PDE1C: variants seen among roughly 807,000 people sequenced by gnomAD.
PDE1C encodes phosphodiesterase 1C, also known as dual specificity calcium/calmodulin-dependent 3',5'-cyclic nucleotide phosphodiesterase 1C.
A neutral mutation model predicts 93.1 loss-of-function variants in PDE1C; 62 were observed. The observed-to-expected ratio is 0.67, with a 90% CI of 0.54 to 0.82. The LOEUF is 0.82. Ranked by LOEUF, PDE1C falls within the 40% of genes least tolerant of loss-of-function variation. The pLI, the probability that PDE1C is intolerant of heterozygous loss-of-function variation, is 0.00. For synonymous variants in PDE1C, 325 were observed against 310.1 expected, an observed-to-expected ratio of 1.05 and a Z score of -0.50; for missense variants, 742 against 884.6, an observed-to-expected ratio of 0.84 and a Z score of 2.04.
At chr7:32,300,060 A>C (rs1184183412), upstream of PDE1C, among the ~76,000 whole-genome samples, 4 of 152,142 alleles carry the variant, frequency 2.6e-5, no homozygotes, top group Admixed American at 1.3e-4. Context: ...ATGGCTCCAC[A>C]TATCTTCAGA....
chr7:32,145,930 A>T (rs1800806484), intron 3 of PDE1C, among the ~76,000 whole-genome samples: 1 of 152,154 alleles, frequency 6.6e-6, no homozygotes, highest in South Asian at 2.1e-4. Flanking sequence ...TAAATCAGTG[A>T]AAACTGTACC....
the PDE1C span, among the ~76,000 whole-genome samples, chr7:31,646,690 G>C: frequency 6.6e-6 from 1 of 152,086 alleles, no homozygotes; most frequent in African/African-American, 2.4e-5. Flanking sequence ...TTGACACTTT[G>C]TCATATCAGC....
At chr7:31,758,055 C>A (rs984253359) in intron 17 of PDE1C, among the ~76,000 whole-genome samples, 1 of 152,142 alleles carries the variant, frequency 6.6e-6, no homozygotes, top group Non-Finnish European at 1.5e-5. Flanking sequence ...GGACAAAAAA[C>A]CAAACACTGC....
chr7:32,071,445 T>A (rs1796050661), upstream of PDE1C: 4 of 984,716 alleles, frequency 4.1e-6, no homozygotes, highest in South Asian at 1.9e-4. Context: ...CTAAAGGGGC[T>A]CTCTCGCTCG....
chr7:31,875,165 A>T (rs1207975474), intron 5 of PDE1C, among the ~76,000 whole-genome samples: 1 of 152,228 alleles, frequency 6.6e-6, no homozygotes, highest in East Asian at 1.9e-4. Flanking sequence ...TTTAGTCCTA[A>T]GGAAAAAGTC....
chr7:32,294,959 T>C (rs1562657629), intron 1 of PDE1C, among the ~76,000 whole-genome samples: 1 of 152,276 alleles, frequency 6.6e-6, no homozygotes, highest in Non-Finnish European at 1.5e-5. Flanking sequence ...GAATGTGACA[T>C]GTGTTCAATC....
At chr7:31,621,212 A>G in the PDE1C span, among the ~76,000 whole-genome samples, 2 of 152,110 alleles carry the variant, frequency 1.3e-5, no homozygotes, top group Non-Finnish European at 2.9e-5. Context: ...AACTTCCCCA[A>G]TCTAGCAAGG....
rs1170418336 is a variant in PDE1C, at chr7:31,782,549, AG to A, written c.1892-6818del. ...ATAATACCATGCGAAACGATACACCAGGAGGCCCTGATGAAGGGGTGGTATT... is the reference window on the plus strand; with the variant it reads ...ATAATACCATGCGAAACGATACACCAGAGGCCCTGATGAAGGGGTGGTATT... On this transcript the variant is annotated intron_variant, in intron 16 of 17. Coordinates refer to ENST00000396191, the MANE Select transcript of PDE1C (RefSeq NM_001191057.4). Among the ~76,000 whole-genome samples, 55 of 152,348 alleles carry A rather than the reference AG, an allele frequency of 3.6e-4. 1 individual carries two copies. Among genetic ancestry groups the A allele is most frequent in the African/African-American group, 1.3e-3 (55 of 41,588 alleles).
intron 1 of PDE1C, among the ~76,000 whole-genome samples, chr7:32,274,354 T>C (rs1811153098): frequency 6.7e-6 from 1 of 149,842 alleles, no homozygotes; most frequent in Admixed American, 6.7e-5. Context: ...ACCACAGGTG[T>C]GCACCAGCAT....
chr7:32,415,128 G>A (rs1364499436), intron 1 of PDE1C, among the ~76,000 whole-genome samples: 1 of 152,110 alleles, frequency 6.6e-6, no homozygotes, highest in African/African-American at 2.4e-5. Flanking sequence ...ATCAGCCTGG[G>A]CAACCTAGCA....
chr7:31,790,677 T>C (rs184759112), intron 16 of PDE1C, among the ~76,000 whole-genome samples: 1 of 152,084 alleles, frequency 6.6e-6, no homozygotes, highest in Non-Finnish European at 1.5e-5. Flanking sequence ...CTCCTCCCTC[T>C]CAGAATTCTT....
chr7:32,116,524 C>T (rs1447063248), intron 3 of PDE1C, among the ~76,000 whole-genome samples: 1 of 152,074 alleles, frequency 6.6e-6, no homozygotes, highest in African/African-American at 2.4e-5. Flanking sequence ...TGGCAGGGGG[C>T]CTGCTCATAA....
At chr7:31,666,790 C>T in the PDE1C span, among the ~76,000 whole-genome samples, 3 of 151,458 alleles carry the variant, frequency 2.0e-5, no homozygotes, top group African/African-American at 4.9e-5. Context: ...AAATCCAGCC[C>T]CCCATTTTTT....
intron 1 of PDE1C, among the ~76,000 whole-genome samples, chr7:32,252,522 G>T (rs1223312741): frequency 6.6e-6 from 1 of 152,196 alleles, no homozygotes; most frequent in African/African-American, 2.4e-5. Context: ...TGACAAGCAA[G>T]AATTAAATCC....
chr7:32,180,802 A>C (rs1803346245), intron 2 of PDE1C, among the ~76,000 whole-genome samples: 1 of 152,236 alleles, frequency 6.6e-6, no homozygotes, highest in Admixed American at 6.5e-5. Flanking sequence ...TGGAATTGTA[A>C]TATAACTGGC....
At chr7:31,988,860 T>C (rs902256039) in intron 2 of PDE1C, among the ~76,000 whole-genome samples, 6 of 151,908 alleles carry the variant, frequency 3.9e-5, no homozygotes, top group African/African-American at 1.5e-4. Flanking sequence ...CTGGGCGTAG[T>C]GGCACATGCC....
intron 1 of PDE1C, among the ~76,000 whole-genome samples, chr7:32,322,007 G>A (rs560491380): frequency 3.2e-4 from 48 of 152,312 alleles, no homozygotes; most frequent in African/African-American, 1.1e-3. Flanking sequence ...AAGACAAAAC[G>A]AGTAGTAATA....
chr7:31,720,436 C>CAA, the PDE1C span, among the ~76,000 whole-genome samples: 50 of 152,274 alleles, frequency 3.3e-4, 1 homozygote, highest in African/African-American at 1.2e-3. Context: ...CACTCAGCCC[C>CAA]AAGCCTCCTG....
rs185033906 is a variant in PDE1C, at chr7:32,367,758, T to C, written c.310+60064A>G. 3.1e-4 allele frequency among the ~76,000 whole-genome samples: 47 copies of C among 151,994 alleles called. No homozygotes were observed. The East Asian group carries it at 7.7e-3, about 25-fold the overall frequency. On this transcript the variant is annotated intron_variant, in intron 1 of 1. Coordinates refer to the PDE1C transcript ENST00000672256. ...AGGAGTTTGAGATCAGCCTGGGCAATATAGTGAGTCCCCTTCTCTACAAAA... is the reference window on the plus strand; with the variant it reads ...AGGAGTTTGAGATCAGCCTGGGCAACATAGTGAGTCCCCTTCTCTACAAAA...
Sources: gnomAD v4.1 joint callset for allele counts (sites outside exome capture counted in the v4.1 genomes callset) on GRCh38, gnomAD v4.1.1 for gene constraint, MANE v1.5 for transcripts, NCBI Gene and HGNC (gene_info 2026-07-23, HGNC 2026-07-21) for gene names.